The following PDCD1LG2 variants were observed in gnomAD, a reference collection of about 807,000 sequenced individuals.
PDCD1LG2 encodes the protein B7 dendritic cell molecule.
PDCD1LG2 carries 32 observed loss-of-function variants against 28.2 expected under a neutral mutation model. That is an observed-to-expected ratio of 1.13 (90% CI 0.86 to 1.52). The LOEUF (loss-of-function observed/expected upper bound fraction) is 1.52. Among genes scored for constraint, PDCD1LG2 ranks in the 40% most tolerant of loss-of-function variants. PDCD1LG2 has a pLI of 0.00. For missense variants in PDCD1LG2, 385 were observed against 323.8 expected (o/e 1.19, Z -1.45); for synonymous variants, 116 against 120.2 (o/e 0.97, Z 0.23).
At chr9:5,526,060 A>AT (rs1163030115) in intron 2 of PDCD1LG2, among the ~76,000 whole-genome samples, 1 of 151,720 alleles carries the variant, frequency 6.6e-6, no homozygotes, top group African/African-American at 2.4e-5. Flanking sequence ...AAAAAAAAAA[A>AT]AAAGTAAGGA....
intron 5 of PDCD1LG2, among the ~76,000 whole-genome samples, chr9:5,559,835 C>T (rs548593104): frequency 1.3e-5 from 2 of 152,320 alleles, no homozygotes; most frequent in African/African-American, 4.8e-5. Flanking sequence ...GATGGTTTGA[C>T]TCATGTCTCC....
At chr9:5,544,622 G>GCA (rs1563829192) in intron 3 of PDCD1LG2, among the ~76,000 whole-genome samples, 3 of 152,158 alleles carry the variant, frequency 2.0e-5, no homozygotes, top group Non-Finnish European at 4.4e-5. Flanking sequence ...GACACACAAA[G>GCA]CACACACACC....
chr9:5,549,888 T>C (rs1816294506), intron 4 of PDCD1LG2, among the ~76,000 whole-genome samples: 1 of 152,126 alleles, frequency 6.6e-6, no homozygotes, highest in Non-Finnish European at 1.5e-5. Context: ...ATGCAGCGAC[T>C]CCAAAGGGTG....
intron 6 of PDCD1LG2, among the ~76,000 whole-genome samples, chr9:5,567,672 A>G (rs1173454005): frequency 6.6e-6 from 1 of 152,222 alleles, no homozygotes; most frequent in East Asian, 1.9e-4. Context: ...AAAAGAAGTC[A>G]TGATTCCCAG....
intron 1 of PDCD1LG2, among the ~76,000 whole-genome samples, chr9:5,516,604 T>C (rs1820169344): frequency 6.6e-6 from 1 of 152,232 alleles, no homozygotes; most frequent in Non-Finnish European, 1.5e-5. Flanking sequence ...ATGCCCAGGC[T>C]GTTCGTGCCG....
intron 4 of PDCD1LG2, among the ~76,000 whole-genome samples, chr9:5,555,288 G>T (rs1816415539): frequency 6.6e-6 from 1 of 152,036 alleles, no homozygotes; most frequent in African/African-American, 2.4e-5. Flanking sequence ...ATGGTGGCAG[G>T]TGCCTGTAAT....
intron 4 of PDCD1LG2, among the ~76,000 whole-genome samples, chr9:5,551,852 T>C (rs976410644): frequency 2.0e-5 from 3 of 152,212 alleles, no homozygotes; most frequent in Non-Finnish European, 2.9e-5. Context: ...GCTCTGCCAC[T>C]GAGCCTTCCA....
chr9:5,560,319 C>G (rs1040088314), intron 5 of PDCD1LG2, among the ~76,000 whole-genome samples: 3 of 152,224 alleles, frequency 2.0e-5, no homozygotes, highest in Non-Finnish European at 2.9e-5. Context: ...GCTTACTTAG[C>G]CCACAGGGCC....
At chr9:5,516,650 G>C (rs138449537) in intron 1 of PDCD1LG2, among the ~76,000 whole-genome samples, 8 of 152,346 alleles carry the variant, frequency 5.3e-5, no homozygotes, top group Non-Finnish European at 8.8e-5. Context: ...GCCACCCTCA[G>C]CCCCTGCTCA....
chr9:5,548,628 C>T (rs1034567723), intron 3 of PDCD1LG2, among the ~76,000 whole-genome samples: 1 of 152,084 alleles, frequency 6.6e-6, no homozygotes, highest in African/African-American at 2.4e-5. Context: ...GGCAGGGAGC[C>T]ATATCTGTTT....
At chr9:5,550,380 G>C (rs1463277819) in intron 4 of PDCD1LG2, among the ~76,000 whole-genome samples, 1 of 152,208 alleles carries the variant, frequency 6.6e-6, no homozygotes, top group Non-Finnish European at 1.5e-5. Flanking sequence ...CATTTCGTAA[G>C]AGACAGGTAA....
At position 5,549,327 on chromosome 9, in the gene PDCD1LG2, T is replaced by C. The variant is rs775175533; in HGVS notation, c.362-8T>C. 2.9e-5 allele frequency: 46 copies of C among 1,605,240 alleles called. No homozygotes were observed. The South Asian group carries it at 4.4e-4, about 15-fold the overall frequency. On this transcript the variant is annotated splice_polypyrimidine_tract_variant and splice_region_variant and intron_variant, in intron 3 of 6. Coordinates refer to ENST00000397747, the MANE Select transcript of PDCD1LG2 (RefSeq NM_025239.4). ...AAGTCTTATTTCTTTTTCTTCTCTA[T>C]TGTCCAGCTTCCTACAGGAAAATAA...
intron 4 of PDCD1LG2, among the ~76,000 whole-genome samples, chr9:5,555,694 T>C (rs1816425993): frequency 1.3e-5 from 2 of 152,308 alleles, no homozygotes; most frequent in East Asian, 1.9e-4. Flanking sequence ...CCCTATAAAA[T>C]TGTCAAAGCT....
chr9:5,566,030 C>CG (rs1463965800), intron 6 of PDCD1LG2, among the ~76,000 whole-genome samples: 4 of 152,160 alleles, frequency 2.6e-5, no homozygotes, highest in Non-Finnish European at 4.4e-5. Context: ...AGGGCTTTGA[C>CG]ATTCCCACAC....
rs191488725 is a variant in PDCD1LG2, at chr9:5,541,575, C to T, written c.361+6525C>T. Among the ~76,000 whole-genome samples the T allele has an allele frequency of 4.6e-5, 7 of 151,288 alleles. No individual in the cohort carries two copies. In the East Asian group the frequency reaches 1.4e-3, roughly 29 times the overall value. On this transcript the variant is annotated intron_variant, in intron 3 of 6. Coordinates refer to ENST00000397747, the MANE Select transcript of PDCD1LG2 (RefSeq NM_025239.4). Reference sequence around the variant, plus strand: ...ATACACCAACATCAACCAATAGCTGCAAAAATAAAATAAAATACTTAGGAA... The same window carrying T: ...ATACACCAACATCAACCAATAGCTGTAAAAATAAAATAAAATACTTAGGAA...
intron 3 of PDCD1LG2, among the ~76,000 whole-genome samples, chr9:5,540,839 G>C (rs1267014056): frequency 1.3e-5 from 2 of 152,116 alleles, no homozygotes; most frequent in African/African-American, 4.8e-5. Flanking sequence ...TAGAGAAAGA[G>C]GGAATCCTCC....
chr9:5,521,207 T>C (rs374884350), intron 1 of PDCD1LG2, among the ~76,000 whole-genome samples: 1 of 152,028 alleles, frequency 6.6e-6, no homozygotes. Flanking sequence ...CCAAGGGCCA[T>C]AGGGAAAGGG....
intron 3 of PDCD1LG2, among the ~76,000 whole-genome samples, chr9:5,535,407 T>C (rs1352255072): frequency 1.3e-5 from 2 of 152,206 alleles, no homozygotes; most frequent in Admixed American, 1.3e-4. Flanking sequence ...TTCAATAGTT[T>C]ATACCCTGAA....
At position 5,534,786 on chromosome 9, in the gene PDCD1LG2, G is replaced by C. The variant is rs373326879; in HGVS notation, c.97G>C (p.Glu33Gln). 8.7e-6 allele frequency: 14 copies of C among 1,613,988 alleles called. No individual in the cohort carries two copies. In the East Asian group the frequency reaches 1.6e-4, roughly 18 times the overall value. ...AGTCCCTAAGGAACTGTACATAATA[G>C]AGCATGGCAGCAATGTGACCCTGGA... ...VTVPKELYII[E>Q]HGSNVTLECN... is the part of the protein sequence containing the mutation. Residue 33 changes from glutamate (E) to glutamine (Q), a missense_variant, in exon 3 of 7, where the codon GAG becomes CAG. By Grantham distance (29) the Glu-to-Gln change is conservative. Transcript: ENST00000397747.
Sources: gnomAD v4.1 joint callset for allele counts (sites outside exome capture counted in the v4.1 genomes callset) on GRCh38, gnomAD v4.1.1 for gene constraint, MANE v1.5 for transcripts, NCBI Gene and HGNC (gene_info 2026-07-23, HGNC 2026-07-21) for gene names.